Variants in VRK2 observed in about 807,000 individuals in gnomAD.
VRK2 encodes the protein serine/threonine-protein kinase VRK2.
A neutral mutation model predicts 57.6 loss-of-function variants in VRK2; 60 were observed. The ratio of observed to expected loss-of-function variants is 1.04; its 90% CI spans 0.85 to 1.29. The LOEUF is 1.29. VRK2 is among the 50% of genes most tolerant of loss of function. VRK2 has a pLI of 0.00. For synonymous variants in VRK2, 231 were observed against 199.2 expected, an observed-to-expected ratio of 1.16 and a Z score of -1.35; for missense variants, 705 against 588.1, an observed-to-expected ratio of 1.20 and a Z score of -2.06.
intron 1 of VRK2, among the ~76,000 whole-genome samples, chr2:57,928,552 A>C (rs1670617560): frequency 6.6e-6 from 1 of 152,022 alleles, no homozygotes; most frequent in African/African-American, 2.4e-5. Context: ...TATTTAGTTC[A>C]TTTGGTGAGG....
intron 1 of VRK2, among the ~76,000 whole-genome samples, chr2:57,908,462 C>G (rs985871777): frequency 6.6e-6 from 1 of 151,792 alleles, no homozygotes; most frequent in African/African-American, 2.4e-5. Flanking sequence ...TAACATAAAA[C>G]ATGATGAAGA....
At chr2:57,948,109 TG>T (rs1463750244) in intron 1 of VRK2, among the ~76,000 whole-genome samples, 4 of 152,196 alleles carry the variant, frequency 2.6e-5, no homozygotes, top group Non-Finnish European at 5.9e-5. Context: ...TATGCAAGGA[TG>T]TTTTATATTC....
chr2:57,964,148 A>G (rs1308233861), intron 1 of VRK2, among the ~76,000 whole-genome samples: 1 of 152,192 alleles, frequency 6.6e-6, no homozygotes, highest in African/African-American at 2.4e-5. Context: ...TGACTCCCCC[A>G]AAACTTAGAA....
At chr2:58,089,279 G>T (rs1355061632) in intron 6 of VRK2, among the ~76,000 whole-genome samples, 1 of 152,122 alleles carries the variant, frequency 6.6e-6, no homozygotes, top group Non-Finnish European at 1.5e-5. Flanking sequence ...TGCTGAGTGG[G>T]CTTCAAGATT....
intron 1 of VRK2, among the ~76,000 whole-genome samples, chr2:57,938,956 T>TA (rs1671005875): frequency 6.6e-6 from 1 of 152,146 alleles, no homozygotes. Context: ...AGAGATGCAA[T>TA]AATGAGACAT....
intron 12 of VRK2, among the ~76,000 whole-genome samples, chr2:58,156,960 G>A (rs1683976093): frequency 6.6e-6 from 1 of 152,034 alleles, no homozygotes; most frequent in African/African-American, 2.4e-5. Context: ...AGATTTTATT[G>A]CATTCCTTTA....
intron 1 of VRK2, among the ~76,000 whole-genome samples, chr2:57,938,744 A>T (rs1333854924): frequency 6.6e-6 from 1 of 152,158 alleles, no homozygotes; most frequent in Non-Finnish European, 1.5e-5. Context: ...AAATATATCT[A>T]GTCAATGGAG....
intron 2 of VRK2, among the ~76,000 whole-genome samples, chr2:58,057,193 A>G (rs1676653188): frequency 6.6e-6 from 1 of 152,132 alleles, no homozygotes; most frequent in Non-Finnish European, 1.5e-5. Context: ...AATTAACTCT[A>G]GAACTGTTCT....
chr2:58,050,627 T>G (rs1675569675), intron 2 of VRK2, among the ~76,000 whole-genome samples: 2 of 152,362 alleles, frequency 1.3e-5, no homozygotes, highest in South Asian at 2.1e-4. Context: ...TCTCTTTGAT[T>G]TTCTTGAAAT....
At chr2:58,098,700 A>G (rs1673519794) in intron 7 of VRK2, among the ~76,000 whole-genome samples, 1 of 152,062 alleles carries the variant, frequency 6.6e-6, no homozygotes, top group African/African-American at 2.4e-5. Flanking sequence ...GGATGTTCAT[A>G]CAATGATGAA....
chr2:58,000,526 T>C (rs986130875), intron 1 of VRK2, among the ~76,000 whole-genome samples: 2 of 152,210 alleles, frequency 1.3e-5, no homozygotes, highest in Non-Finnish European at 2.9e-5. Flanking sequence ...GAAAAGACCA[T>C]CATATAGAAA....
At chr2:58,134,982 C>G (rs1679802789) in intron 9 of VRK2, among the ~76,000 whole-genome samples, 159 bp from the exon 10 acceptor site, 1 of 151,918 alleles carries the variant, frequency 6.6e-6, no homozygotes, top group Non-Finnish European at 1.5e-5. Context: ...TCCTCTACTT[C>G]TGCTTACTTT....
chr2:58,147,515 CT>C (rs1364279161), intron 12 of VRK2, among the ~76,000 whole-genome samples: 2 of 151,826 alleles, frequency 1.3e-5, no homozygotes, highest in Non-Finnish European at 2.9e-5. Context: ...TCAACCCTTA[CT>C]TAAGTCCACC....
chr2:57,968,293 A>G (rs1671983203), intron 1 of VRK2, among the ~76,000 whole-genome samples: 2 of 152,084 alleles, frequency 1.3e-5, no homozygotes, highest in African/African-American at 4.8e-5. Flanking sequence ...ACTATAAATA[A>G]TAAGAATAAG....
At chr2:57,956,198 T>C (rs1671581554) in intron 1 of VRK2, among the ~76,000 whole-genome samples, 1 of 151,864 alleles carries the variant, frequency 6.6e-6, no homozygotes, top group Admixed American at 6.6e-5. Flanking sequence ...CTGAGCAACA[T>C]AGCAAGGCTC....
chr2:57,908,540 A>G (rs1427327079), intron 1 of VRK2, among the ~76,000 whole-genome samples: 1 of 152,116 alleles, frequency 6.6e-6, no homozygotes, highest in Non-Finnish European at 1.5e-5. Flanking sequence ...CTTGAGCTCC[A>G]TCATTTCTGA....
chr2:58,114,060 TGG>T (rs1676035300), intron 7 of VRK2, among the ~76,000 whole-genome samples: 1 of 151,938 alleles, frequency 6.6e-6, no homozygotes, highest in South Asian at 2.1e-4. Context: ...GGTGATATTG[TGG>T]GGTTGTTAGA....
At chr2:58,023,543 G>GA (rs1398318313) in intron 1 of VRK2, among the ~76,000 whole-genome samples, 11 of 151,886 alleles carry the variant, frequency 7.2e-5, no homozygotes, top group Admixed American at 7.2e-4. Flanking sequence ...ATCTTTGAAG[G>GA]AAAAAAATAG....
At chr2:57,920,666 A>C (rs755961808) in intron 1 of VRK2, among the ~76,000 whole-genome samples, 5 of 152,124 alleles carry the variant, frequency 3.3e-5, no homozygotes, top group Non-Finnish European at 5.9e-5. Context: ...CCCTGAGAGT[A>C]ACAAAAACAT....
Sources: gnomAD v4.1 joint callset for allele counts (sites outside exome capture counted in the v4.1 genomes callset) on GRCh38, gnomAD v4.1.1 for gene constraint, MANE v1.5 for transcripts, NCBI Gene and HGNC (gene_info 2026-07-23, HGNC 2026-07-21) for gene names.